ADGRG4: variants seen among roughly 807,000 people sequenced by gnomAD.
The protein encoded by ADGRG4 is G protein-coupled receptor 112.
ADGRG4 carries 122 observed loss-of-function variants against 126.2 expected under a neutral mutation model. That is an observed-to-expected ratio of 0.97 (90% confidence interval 0.83 to 1.12). The LOEUF is 1.12. ADGRG4 is among the 50% of genes most tolerant of loss of function. The probability of loss-of-function intolerance (pLI) is 0.00; values close to 1 mark genes in which losing one functional copy is unlikely to be tolerated. For synonymous variants in ADGRG4, 943 were observed against 838.7 expected, an observed-to-expected ratio of 1.12 and a Z score of -2.15; for missense variants, 2,481 against 2,251.8, an observed-to-expected ratio of 1.10 and a Z score of -2.06.
intron 20 of ADGRG4, 49 bp from the exon 21 acceptor site, chrX:136,399,799 A>G: frequency 1.0e-6 from 1 of 985,485 alleles, no homozygotes; most frequent in Non-Finnish European, 1.4e-6. Flanking sequence ...TGTTTAATTA[A>G]AAAAAAAAAA....
In ADGRG4 at chrX:136,345,927, A is replaced by G. The variant is rs2075013412; in HGVS notation, c.2221A>G (p.Ile741Val). 6 of 1,210,658 alleles carry G rather than the reference A, an allele frequency of 5.0e-6. No homozygotes were observed. Among genetic ancestry groups the G allele is most frequent in the Non-Finnish European group, 6.7e-6 (6 of 894,502 alleles). ...LTSPWFANFS[I>V]VSGTTSITNM... ...ATCACCATGGTTTGCTAATTTCTCC[A>G]TAGTTTCTGGAACCACATCCATAAC... The change falls in exon 6 of 26, where the codon ATA (isoleucine) becomes GTA (valine). Residue 741 changes from isoleucine to valine, a missense_variant. By Grantham distance (29) the Ile-to-Val change is conservative. Coordinates refer to ENST00000394143, the MANE Select transcript of ADGRG4 (RefSeq NM_153834.4).
In ADGRG4 at chrX:136,346,958, G is replaced by C; in HGVS notation, c.3252G>C (p.Leu1084Phe). The change falls in exon 6 of 26, where the codon TTG (leucine) becomes TTC (phenylalanine). Residue 1084 changes from leucine to phenylalanine, a missense_variant. Transcript: ENST00000394143. ...TTATTGTGCCTACCCATGGAGACTTGATTCGTACCACTTCAGAGGCCACGG... is the reference window on the plus strand; with the variant it reads ...TTATTGTGCCTACCCATGGAGACTTCATTCGTACCACTTCAGAGGCCACGG... ...TIVIVPTHGD[L>F]IRTTSEATVI... 8.3e-7 allele frequency: 1 copy of C among 1,210,748 alleles called. No homozygotes were observed. The highest frequency in any genetic ancestry group is 1.1e-6 in the Non-Finnish European group (1 of 894,779).
intron 15 of ADGRG4, among the ~76,000 whole-genome samples, chrX:136,382,899 C>T (rs1489933012): frequency 9.1e-6 from 1 of 110,434 alleles, no homozygotes. Flanking sequence ...GAACTAAGAC[C>T]TCTAGGCCAG....
intron 20 of ADGRG4, 62 bp from the exon 21 acceptor site, chrX:136,399,786 C>A: frequency 2.1e-6 from 2 of 946,095 alleles, no homozygotes; most frequent in African/African-American, 4.1e-5. Flanking sequence ...TAAGATGTGG[C>A]GATGTTTAAT....
intron 15 of ADGRG4, among the ~76,000 whole-genome samples, chrX:136,384,087 T>A (rs1202606154): frequency 9.1e-6 from 1 of 109,388 alleles, no homozygotes; most frequent in Non-Finnish European, 1.9e-5. Flanking sequence ...ATTTTTTTAT[T>A]TTTAGTAGAG....
chrX:136,407,738 A>G (rs899250717), intron 23 of ADGRG4, among the ~76,000 whole-genome samples: 13 of 111,803 alleles, frequency 1.2e-4, no homozygotes, highest in African/African-American at 4.2e-4. Context: ...GAAACTCTCA[A>G]TACCATCCTC....
intron 18 of ADGRG4, among the ~76,000 whole-genome samples, chrX:136,394,046 G>A (rs1018091927): frequency 7.2e-5 from 8 of 111,509 alleles, no homozygotes; most frequent in African/African-American, 2.6e-4. Flanking sequence ...TCTCCCACAG[G>A]GTTTTGCAAG....
intron 15 of ADGRG4, among the ~76,000 whole-genome samples, chrX:136,375,877 G>A (rs767358624): frequency 8.0e-5 from 9 of 112,108 alleles, no homozygotes; most frequent in African/African-American, 1.3e-4. Context: ...TTGTGCAGAA[G>A]CTTTTTAGTT....
chrX:136,394,944 T>A (rs2075338523), intron 18 of ADGRG4, among the ~76,000 whole-genome samples: 1 of 111,924 alleles, frequency 8.9e-6, no homozygotes, highest in African/African-American at 3.3e-5. Context: ...GACCATGATC[T>A]GACTTTGATT....
chrX:136,405,023 A>G (rs1382693530), intron 22 of ADGRG4, among the ~76,000 whole-genome samples: 2 of 112,154 alleles, frequency 1.8e-5, no homozygotes, highest in Non-Finnish European at 3.8e-5. Context: ...TATTAAATGG[A>G]CTATCTGTTC....
At chrX:136,378,587 A>C (rs2075241816) in intron 15 of ADGRG4, among the ~76,000 whole-genome samples, 1 of 111,484 alleles carries the variant, frequency 9.0e-6, no homozygotes. Context: ...AAAAGTATTC[A>C]CTGTTTTTCC....
intron 15 of ADGRG4, among the ~76,000 whole-genome samples, chrX:136,373,438 T>C (rs2075206845): frequency 8.9e-6 from 1 of 111,957 alleles, no homozygotes; most frequent in South Asian, 3.7e-4. Flanking sequence ...TAAGCCAGGA[T>C]TGAAACCTAT....
At position 136,300,989 on chromosome X, in the gene ADGRG4, A is replaced by G. The variant is rs1199811636; in HGVS notation, c.-265A>G. The stretch of plus-strand genomic sequence containing the variant: ...AGTTTCTTAATCCAGTCTATCACTG[A>G]TGGACATTTGGGTTGGTTCCAAGTC... On this transcript the variant is annotated 5_prime_UTR_variant, in exon 1 of 26. It removes an upstream start codon present in the reference 5' UTR. Coordinates refer to ENST00000394143, the MANE Select transcript of ADGRG4 (RefSeq NM_153834.4). 1 of 112,354 alleles carries G rather than the reference A, an allele frequency of 8.9e-6. No homozygotes were observed. The highest frequency in any genetic ancestry group is 9.5e-5 in the Admixed American group (1 of 10,572). 9.3% of individuals were successfully genotyped at this position (112,354 alleles called of 1,213,427 possible).
chrX:136,380,511 AGCTGCT>A lies in ADGRG4; in HGVS notation c.7777-7214_7777-7209del, dbSNP rs888933181. 6.9e-5 allele frequency among the ~76,000 whole-genome samples: 7 copies of A among 100,782 alleles called. No homozygotes were observed. The South Asian group carries it at 1.8e-3, about 26-fold the overall frequency. 87.5% of individuals were successfully genotyped at this position (100,782 alleles called of 115,157 possible). ...GGTTTTAGTTTTATCTTCTTTACAT[AGCTGCT>A]GCTGCTGCTGCTGCCTCCTCCTCCT... On this transcript the variant is annotated intron_variant, in intron 15 of 25. Coordinates refer to ENST00000394143, the MANE Select transcript of ADGRG4 (RefSeq NM_153834.4).
chrX:136,351,904 T>C (rs2075064978), intron 7 of ADGRG4, among the ~76,000 whole-genome samples: 2 of 111,229 alleles, frequency 1.8e-5, no homozygotes, highest in African/African-American at 3.3e-5. Context: ...AATACAATGG[T>C]ATTTAAGTAT....
Position 136,376,488 on chromosome X carries a change from C to A in ADGRG4, c.7776+3424C>A, listed in dbSNP as rs111475099. ...TATAGATTGCTTTTGGCAGTATGGC[C>A]ATTTTCACAGTATTGATTCTTTCCA... is the stretch of plus-strand genomic sequence containing the variant. On this transcript the variant is annotated intron_variant, in intron 15 of 25. Coordinates refer to ENST00000394143, the MANE Select transcript of ADGRG4 (RefSeq NM_153834.4). Among the ~76,000 whole-genome samples, 959 of 111,661 alleles carry A rather than the reference C, an allele frequency of 8.6e-3. 11 individuals carry two copies. The highest frequency in any genetic ancestry group is 0.029 in the African/African-American group (907 of 30,756).
At chrX:136,398,081 C>T in intron 20 of ADGRG4, 79 bp downstream of exon 20, 1 of 914,325 alleles carries the variant, frequency 1.1e-6, no homozygotes. Context: ...TTGTTAATTT[C>T]ATGAACACAT....
At position 136,359,313 on chromosome X, in the gene ADGRG4, A is replaced by G. The variant is rs1338753824; in HGVS notation, c.7002A>G (p.Ile2334Met). The change falls in exon 11 of 26, where the codon ATA becomes ATG. Residue 2334 changes from isoleucine (I) to methionine (M), a missense_variant. Transcript: ENST00000394143. Reference protein sequence around the residue: ...VPYSCVCQVIIKASSSLASSE... With the variant: ...VPYSCVCQVIMKASSSLASSE... ...GTAGTTGTGTTTGTCAGGTCATCAT[A>G]AAAGCCAGCTCTTCCTTAGCATCCT... 9 of 1,202,646 alleles carry G rather than the reference A, an allele frequency of 7.5e-6. No homozygotes were observed. In the Admixed American group the frequency reaches 9.0e-5, roughly 12 times the overall value.
At chrX:136,334,715 A>G (rs1243825127) in intron 5 of ADGRG4, among the ~76,000 whole-genome samples, 1 of 111,998 alleles carries the variant, frequency 8.9e-6, no homozygotes, top group Non-Finnish European at 1.9e-5. Context: ...TGTGCTTTTG[A>G]TTTCAGTTTC....
Sources: allele counts gnomAD v4.1 joint callset (sites outside exome capture counted in the v4.1 genomes callset), GRCh38; gene constraint gnomAD v4.1.1; transcripts MANE v1.5; gene names NCBI Gene and HGNC (gene_info 2026-07-23, HGNC 2026-07-21).